Variants in THNSL1 observed in about 807,000 individuals in gnomAD.
THNSL1 encodes threonine synthase like 1.
In THNSL1, 48 loss-of-function variants were observed where a neutral mutation model predicts 50.4. That is an observed-to-expected ratio of 0.95 (90% CI 0.76 to 1.21). THNSL1 has a LOEUF of 1.21. Among genes scored for constraint, THNSL1 ranks in the 50% most tolerant of loss-of-function variants. The probability of loss-of-function intolerance (pLI) is 0.00; values close to 1 mark genes in which losing one functional copy is unlikely to be tolerated. For missense variants in THNSL1, 896 were observed against 871.7 expected, an observed-to-expected ratio of 1.03 and a Z score of -0.35; for synonymous variants, 309 against 306.1, an observed-to-expected ratio of 1.01 and a Z score of -0.10.
chr10:25,003,584 T>C, the THNSL1 span, among the ~76,000 whole-genome samples: 1 of 152,244 alleles, frequency 6.6e-6, no homozygotes, highest in African/African-American at 2.4e-5. Context: ...CACATAAATC[T>C]TATTCTTTCT....
the THNSL1 span, chr10:24,984,823 C>T: frequency 4.3e-4 from 694 of 1,613,576 alleles, 7 homozygotes; most frequent in African/African-American, 6.7e-3. Flanking sequence ...CCTCTGCTTG[C>T]GGATCTTCTT....
chr10:25,016,585 C>G (rs1430392591), upstream of THNSL1: 1 of 152,314 alleles, frequency 6.6e-6, no homozygotes. Flanking sequence ...AGTCACGTGC[C>G]CTGCGCGAGG....
intron 1 of THNSL1, among the ~76,000 whole-genome samples, chr10:25,018,885 TAGTC>T (rs1162316311): frequency 4.6e-5 from 7 of 152,178 alleles, no homozygotes; most frequent in Non-Finnish European, 1.0e-4. Context: ...AGAAAAAGCT[TAGTC>T]AGCTTTGATA....
the THNSL1 span, among the ~76,000 whole-genome samples, chr10:24,997,337 T>C: frequency 4.0e-5 from 6 of 151,814 alleles, no homozygotes; most frequent in East Asian, 3.9e-4. Context: ...AGAACTCTCA[T>C]TGGACCGAGT....
the THNSL1 span, among the ~76,000 whole-genome samples, chr10:24,956,001 G>C: frequency 1.2e-4 from 18 of 151,966 alleles, no homozygotes; most frequent in African/African-American, 4.4e-4. Context: ...GACCAATCAG[G>C]GATAGTTATA....
chr10:25,004,762 T>TA, the THNSL1 span, among the ~76,000 whole-genome samples: 2 of 152,228 alleles, frequency 1.3e-5, no homozygotes, highest in Non-Finnish European at 2.9e-5. Flanking sequence ...CTCTTTACTT[T>TA]AATTAGATCC....
At chr10:24,997,533 TGCATCA>T in the THNSL1 span, among the ~76,000 whole-genome samples, 1 of 151,778 alleles carries the variant, frequency 6.6e-6, no homozygotes, top group Admixed American at 6.6e-5. Flanking sequence ...ACCACAGATG[TGCATCA>T]GCACACCTAG....
the THNSL1 span, among the ~76,000 whole-genome samples, chr10:24,963,109 T>C: frequency 6.6e-6 from 1 of 152,134 alleles, no homozygotes; most frequent in African/African-American, 2.4e-5. Flanking sequence ...AGCCACAGAG[T>C]ACAGCTGACA....
the THNSL1 span, among the ~76,000 whole-genome samples, chr10:24,967,737 G>A: frequency 1.3e-5 from 2 of 151,668 alleles, no homozygotes; most frequent in East Asian, 1.9e-4. Context: ...TGTGTATGAT[G>A]TGTGTATGTA....
the THNSL1 span, among the ~76,000 whole-genome samples, chr10:25,010,647 A>C: frequency 1.5e-5 from 2 of 136,212 alleles, no homozygotes; most frequent in Admixed American, 7.9e-5. Flanking sequence ...TCCTGTGTCC[A>C]TGTGTTCTCA....
At chr10:24,984,527 G>T in the THNSL1 span, 1 of 1,159,448 alleles carries the variant, frequency 8.6e-7, no homozygotes, top group Non-Finnish European at 1.2e-6. Context: ...TAGTTTATAT[G>T]TGGAAAACGT....
chr10:24,963,611 A>G, the THNSL1 span, among the ~76,000 whole-genome samples: 1 of 152,216 alleles, frequency 6.6e-6, no homozygotes. Flanking sequence ...ATGTTCTAAA[A>G]GTTTTTTCCA....
the THNSL1 span, among the ~76,000 whole-genome samples, chr10:25,008,376 T>C: frequency 6.6e-6 from 1 of 152,192 alleles, no homozygotes; most frequent in African/African-American, 2.4e-5. Flanking sequence ...AAACTCTGGA[T>C]CAGGAGAAAA....
the THNSL1 span, among the ~76,000 whole-genome samples, chr10:24,981,301 C>T: frequency 6.6e-6 from 1 of 152,194 alleles, no homozygotes; most frequent in African/African-American, 2.4e-5. Flanking sequence ...AGACCTTTCT[C>T]CTCAGTGACT....
the THNSL1 span, chr10:24,990,577 C>T: frequency 1.2e-6 from 2 of 1,613,016 alleles, no homozygotes; most frequent in Non-Finnish European, 1.7e-6. Flanking sequence ...CCTCGTTTCG[C>T]TTACATATGT....
Position 25,023,526 on chromosome 10 carries a change from A to T in THNSL1, c.303A>T (p.Glu101Asp). The change falls in exon 3 of 3, where the codon GAA becomes GAT. Residue 101 changes from glutamate (E) to aspartate (D), a missense_variant. Glu to Asp is a conservative substitution (Grantham distance 45). Coordinates refer to ENST00000376356, the MANE Select transcript of THNSL1 (RefSeq NM_024838.5). The stretch of plus-strand genomic sequence containing the variant: ...AAACCTGGAATATGAGTGTGTCTGA[A>T]AAATTACAGGATGTTGGTAATGAGC... ...LEKTWNMSVS[E>D]KLQDVGNEQF... 1 of 1,614,186 alleles carries T rather than the reference A, an allele frequency of 6.2e-7. No homozygotes were observed. Among genetic ancestry groups the T allele is most frequent in the Non-Finnish European group, 8.5e-7 (1 of 1,180,022 alleles).
chr10:25,016,188 A>T, upstream of THNSL1: 6 of 1,177,834 alleles, frequency 5.1e-6, no homozygotes, highest in Non-Finnish European at 6.3e-6. Flanking sequence ...TTACTAGGCA[A>T]CGAGGAAGTG....
chr10:25,000,130 G>A, the THNSL1 span, among the ~76,000 whole-genome samples: 1 of 151,844 alleles, frequency 6.6e-6, no homozygotes, highest in Non-Finnish European at 1.5e-5. Context: ...CATAGATTTG[G>A]GATTTTCCAG....
chr10:24,968,842 T>C, the THNSL1 span, among the ~76,000 whole-genome samples: 1 of 152,240 alleles, frequency 6.6e-6, no homozygotes, highest in Non-Finnish European at 1.5e-5. Context: ...GAATCACATA[T>C]GATCACTCAC....
Sources: gnomAD v4.1 joint callset for allele counts (sites outside exome capture counted in the v4.1 genomes callset) on GRCh38, gnomAD v4.1.1 for gene constraint, MANE v1.5 for transcripts, NCBI Gene and HGNC (gene_info 2026-07-23, HGNC 2026-07-21) for gene names.